Variants in ARAP2 observed in about 807,000 individuals in gnomAD.
ARAP2 encodes the protein arf-GAP with Rho-GAP domain, ANK repeat and PH domain-containing protein 2.
ARAP2 carries 148 observed loss-of-function variants against 194.5 expected under a neutral mutation model. The observed-to-expected ratio is 0.76, with a 90% CI of 0.67 to 0.87. The LOEUF (loss-of-function observed/expected upper bound fraction) is 0.87. Ranked by LOEUF, ARAP2 falls within the 40% of genes least tolerant of loss-of-function variation. The pLI is 0.00. For synonymous variants in ARAP2, 695 were observed against 683.5 expected, an observed-to-expected ratio of 1.02 and a Z score of -0.26; for missense variants, 2,128 against 1,989.7, an observed-to-expected ratio of 1.07 and a Z score of -1.32.
rs1321332728 is a variant in ARAP2 at position 36,244,452 on chromosome 4, C to G, written c.-433G>C. The G allele has an allele frequency of 6.7e-6, 1 of 150,340 alleles. No homozygotes were observed. Among genetic ancestry groups the G allele is most frequent in the African/African-American group, 2.4e-5 (1 of 41,212 alleles). 9.3% of individuals were successfully genotyped at this position (150,340 alleles called of 1,614,324 possible). ...GGACCCGCGCTCAGCTCCGGAAACGCCGAGCCCGGCGCCCGCGCCTTGCTC... is the reference window on the plus strand; with the variant it reads ...GGACCCGCGCTCAGCTCCGGAAACGGCGAGCCCGGCGCCCGCGCCTTGCTC... On this transcript the variant is annotated 5_prime_UTR_variant, in exon 1 of 33. Coordinates refer to ENST00000303965, the MANE Select transcript of ARAP2 (RefSeq NM_015230.4).
chr4:36,238,891 A>T (rs774225664), intron 1 of ARAP2, among the ~76,000 whole-genome samples: 7 of 152,214 alleles, frequency 4.6e-5, no homozygotes, highest in Non-Finnish European at 8.8e-5. Context: ...ATCAAATATG[A>T]CCAAAATAAG....
At chr4:36,156,127 C>T (rs1732235716) in intron 15 of ARAP2, among the ~76,000 whole-genome samples, 1 of 151,572 alleles carries the variant, frequency 6.6e-6, no homozygotes, top group African/African-American at 2.4e-5. Context: ...ACTAAAAATA[C>T]AAAAATTAGC....
At chr4:36,233,286 A>T (rs1751855607) in intron 1 of ARAP2, among the ~76,000 whole-genome samples, 1 of 152,090 alleles carries the variant, frequency 6.6e-6, no homozygotes, top group Non-Finnish European at 1.5e-5. Context: ...CCATGTTTTG[A>T]CCTCCAATTG....
rs1386621828 is a variant in ARAP2, at chr4:36,228,692, T to C, written c.795A>G (p.Leu265=). The C allele has an allele frequency of 1.2e-6, 2 of 1,614,072 alleles. No individual in the cohort carries two copies. The highest frequency in any genetic ancestry group is 1.7e-6 in the Non-Finnish European group (2 of 1,179,978). The change falls in exon 2 of 33, where the codon CTA becomes CTG. Residue 265 remains leucine (L), a synonymous_variant. Coordinates refer to ENST00000303965, the MANE Select transcript of ARAP2 (RefSeq NM_015230.4). ...ACTTGCTACGACTTCTCACAGGTGC[T>C]AGGATTGGTGATGATGGAACATACA... The part of the protein sequence containing the change: ...NDLYVPSSPI[L]APVRSRSKLV...
Position 36,128,700 on chromosome 4 carries a change from T to C in ARAP2, c.3473A>G (p.His1158Arg), listed in dbSNP as rs1724601640. The change falls in exon 21 of 33, where the codon CAT becomes CGT. Residue 1158 changes from histidine to arginine, a missense_variant. By Grantham distance (29) the His-to-Arg change is conservative. Coordinates refer to ENST00000303965, the MANE Select transcript of ARAP2 (RefSeq NM_015230.4). ...YIYQKNGDPL[H>R]ISELLESFKK... ...GAAACTCTCCAGGAGTTCACTTATATGCAAAGGATCACCATTCTTTTGATA... is the reference window on the plus strand; with the variant it reads ...GAAACTCTCCAGGAGTTCACTTATACGCAAAGGATCACCATTCTTTTGATA... 1.9e-6 allele frequency: 3 copies of C among 1,612,576 alleles called. No homozygotes were observed. Among genetic ancestry groups the C allele is most frequent in the African/African-American group, 1.3e-5 (1 of 74,868 alleles).
rs955048849 is a variant in ARAP2 at position 36,068,378 on chromosome 4, T to C, written c.4744-100A>G. On this transcript the variant is annotated intron_variant, in intron 32 of 32. Coordinates refer to ENST00000303965, the MANE Select transcript of ARAP2 (RefSeq NM_015230.4). The stretch of plus-strand genomic sequence containing the variant: ...AAAAGTTGATGCTTCCTATAAAAGA[T>C]CTCATTTCTATGACTTAGGTCCTAA... The C allele has an allele frequency of 4.6e-6, 6 of 1,306,254 alleles. No homozygotes were observed. In the African/African-American group the frequency reaches 6.0e-5, roughly 13 times the overall value. 80.9% of individuals were successfully genotyped at this position (1,306,254 alleles called of 1,614,324 possible). A position where few individuals can be genotyped will look rare whatever the true frequency, so the allele number is the denominator to read the frequency against.
intron 15 of ARAP2, among the ~76,000 whole-genome samples, chr4:36,151,657 G>T (rs1167597835): frequency 1.3e-5 from 2 of 152,080 alleles, no homozygotes; most frequent in Non-Finnish European, 2.9e-5. Flanking sequence ...TTACTTTAGG[G>T]CATTATTTAT....
At chr4:36,224,938 T>C (rs1392702714) in intron 2 of ARAP2, among the ~76,000 whole-genome samples, 1 of 152,214 alleles carries the variant, frequency 6.6e-6, no homozygotes, top group Non-Finnish European at 1.5e-5. Context: ...TACTTTTCTG[T>C]ACTTTTTGCT....
At chr4:36,142,720 A>T (rs1026283368) in intron 19 of ARAP2, among the ~76,000 whole-genome samples, 2 of 151,612 alleles carry the variant, frequency 1.3e-5, no homozygotes, top group South Asian at 2.1e-4. Flanking sequence ...ACAAGCAGCT[A>T]CTTCTCCCTG....
intron 27 of ARAP2, among the ~76,000 whole-genome samples, chr4:36,092,631 T>C (rs1257750771): frequency 6.6e-6 from 1 of 152,030 alleles, no homozygotes. Context: ...TAAAAAAGAA[T>C]ATATCACAAT....
intron 2 of ARAP2, among the ~76,000 whole-genome samples, chr4:36,057,651 A>G (rs1721425833): frequency 6.6e-6 from 1 of 152,088 alleles, no homozygotes; most frequent in African/African-American, 2.4e-5. Flanking sequence ...TTTGTTTTTA[A>G]CTTTAGTTAC....
At chr4:36,029,472 A>AC (rs1718550115) in intron 5 of ARAP2, among the ~76,000 whole-genome samples, 1 of 151,564 alleles carries the variant, frequency 6.6e-6, no homozygotes, top group South Asian at 2.1e-4. Context: ...TCATTTGTCC[A>AC]CCCCCGTGGT....
intron 2 of ARAP2, among the ~76,000 whole-genome samples, chr4:36,222,469 A>AAT (rs1196748474): frequency 6.6e-6 from 1 of 151,876 alleles, no homozygotes; most frequent in Admixed American, 6.6e-5. Flanking sequence ...TATTATATAA[A>AAT]ATATATATAT....
chr4:36,133,889 T>C (rs974598615), intron 19 of ARAP2, among the ~76,000 whole-genome samples: 1 of 151,766 alleles, frequency 6.6e-6, no homozygotes. Context: ...AAAAGCTCCA[T>C]GGACTCTCCA....
At chr4:36,203,061 C>A (rs1744747841) in intron 6 of ARAP2, among the ~76,000 whole-genome samples, 1 of 152,156 alleles carries the variant, frequency 6.6e-6, no homozygotes, top group South Asian at 2.1e-4. Flanking sequence ...AAGATGTAGA[C>A]TTGCACTCCA....
chr4:36,160,708 C>A, intron 12 of ARAP2, 67 bp from the exon 13 acceptor site: 2 of 1,223,972 alleles, frequency 1.6e-6, no homozygotes, highest in Non-Finnish European at 2.1e-6. Flanking sequence ...CTGCAGGAAA[C>A]TGAATTATAT....
At chr4:36,139,988 T>C (rs1727853236) in intron 19 of ARAP2, among the ~76,000 whole-genome samples, 1 of 151,612 alleles carries the variant, frequency 6.6e-6, no homozygotes, top group Admixed American at 6.6e-5. Flanking sequence ...TGAGGTTGTT[T>C]CTAGCCCATC....
intron 5 of ARAP2, among the ~76,000 whole-genome samples, chr4:36,036,703 A>C (rs1355854896): frequency 1.3e-5 from 2 of 152,136 alleles, no homozygotes; most frequent in Non-Finnish European, 2.9e-5. Flanking sequence ...TTTTAAAGTG[A>C]CTAAAATATC....
At chr4:36,199,208 T>C (rs1578247933) in intron 6 of ARAP2, among the ~76,000 whole-genome samples, 2 of 152,374 alleles carry the variant, frequency 1.3e-5, no homozygotes, top group Non-Finnish European at 2.9e-5. Context: ...TACCTTGTTA[T>C]TAAAAAATGA....
Sources: allele counts gnomAD v4.1 joint callset (sites outside exome capture counted in the v4.1 genomes callset), GRCh38; gene constraint gnomAD v4.1.1; transcripts MANE v1.5; gene names NCBI Gene and HGNC (gene_info 2026-07-23, HGNC 2026-07-21).